SPIDR: variants seen among roughly 807,000 people sequenced by gnomAD.
SPIDR encodes the protein scaffold protein involved in DNA repair, also known as DNA repair-scaffolding protein.
A neutral mutation model predicts 104.6 loss-of-function variants in SPIDR; 93 were observed. That is an observed-to-expected ratio of 0.89 (90% CI 0.75 to 1.06). The LOEUF (loss-of-function observed/expected upper bound fraction) is 1.06. SPIDR is among the 50% of genes least tolerant of loss of function. The probability of loss-of-function intolerance (pLI) is 0.00; values close to 1 mark genes in which losing one functional copy is unlikely to be tolerated. For missense variants in SPIDR, 1,154 were observed against 1,111.2 expected (o/e 1.04, Z -0.55); for synonymous variants, 431 against 416.9 (o/e 1.03, Z -0.41).
chr8:47,511,547 T>C (rs2082325879), intron 8 of SPIDR: 2 of 782,554 alleles, frequency 2.6e-6, no homozygotes, highest in Admixed American at 3.4e-5. Context: ...TCTCAGTAGC[T>C]TCTGAGTCCT....
intron 8 of SPIDR, among the ~76,000 whole-genome samples, chr8:47,590,150 G>C (rs1310726145): frequency 6.6e-6 from 1 of 151,238 alleles, no homozygotes; most frequent in Non-Finnish European, 1.5e-5. Flanking sequence ...CTCCAGCCCA[G>C]GTGACAGAGC....
At chr8:47,571,342 A>G (rs1204577807) in intron 8 of SPIDR, among the ~76,000 whole-genome samples, 5 of 152,196 alleles carry the variant, frequency 3.3e-5, no homozygotes, top group African/African-American at 7.2e-5. Context: ...ATGCTGTGGC[A>G]GTCATTTCAC....
At chr8:47,361,013 AAAT>A (rs1316641377) in intron 5 of SPIDR, 14 of 965,676 alleles carry the variant, frequency 1.4e-5, no homozygotes, top group Non-Finnish European at 1.6e-5. Context: ...TATTAAAAAT[AAAT>A]AAGTGATGCT....
intron 16 of SPIDR, among the ~76,000 whole-genome samples, chr8:47,718,812 C>T (rs1313886087): frequency 2.6e-5 from 4 of 151,884 alleles, no homozygotes; most frequent in East Asian, 1.9e-4. Flanking sequence ...ATGTGCAGGA[C>T]GTGCAGGTTT....
intron 10 of SPIDR, among the ~76,000 whole-genome samples, chr8:47,614,514 G>A (rs975886112): frequency 2.0e-5 from 3 of 152,116 alleles, no homozygotes; most frequent in Non-Finnish European, 4.4e-5. Context: ...AAGCCACCAC[G>A]CCCAGCCGAT....
At chr8:47,328,826 T>C (rs1360018196) in intron 5 of SPIDR, among the ~76,000 whole-genome samples, 5 of 152,272 alleles carry the variant, frequency 3.3e-5, no homozygotes, top group Middle Eastern at 3.4e-3. Context: ...GGGTTTTTTT[T>C]CTCAAGTCTT....
chr8:47,515,575 G>A (rs1462715900), intron 8 of SPIDR, among the ~76,000 whole-genome samples: 1 of 152,160 alleles, frequency 6.6e-6, no homozygotes, highest in Non-Finnish European at 1.5e-5. Context: ...GACCAGAATA[G>A]TGACATATAT....
At chr8:47,623,637 A>C (rs1455710994) in intron 10 of SPIDR, among the ~76,000 whole-genome samples, 1 of 152,240 alleles carries the variant, frequency 6.6e-6, no homozygotes, top group African/African-American at 2.4e-5. Flanking sequence ...AAAAGAGACA[A>C]AGAAGGCCAT....
intron 8 of SPIDR, among the ~76,000 whole-genome samples, chr8:47,544,885 T>C (rs886827670): frequency 2.0e-5 from 3 of 152,188 alleles, no homozygotes; most frequent in African/African-American, 7.2e-5. Context: ...GTGTTAAATG[T>C]ATATTATTTT....
chr8:47,621,031 A>G lies in SPIDR; in HGVS notation c.1544+21835A>G, dbSNP rs539143957. 2.6e-5 allele frequency among the ~76,000 whole-genome samples: 4 copies of G among 152,010 alleles called. No homozygotes were observed. In the South Asian group the frequency reaches 8.3e-4, roughly 32 times the overall value. ...GAGTGCAGTGGCACAATCTCAGCTCACTGCAGTCTCCGCCTCCTGGGTTCA... is the reference window on the plus strand; with the variant it reads ...GAGTGCAGTGGCACAATCTCAGCTCGCTGCAGTCTCCGCCTCCTGGGTTCA... On this transcript the variant is annotated intron_variant, in intron 10 of 19. Coordinates refer to ENST00000297423, the MANE Select transcript of SPIDR (RefSeq NM_001080394.4).
intron 5 of SPIDR, among the ~76,000 whole-genome samples, chr8:47,314,818 T>C (rs2044967717): frequency 6.6e-6 from 1 of 152,044 alleles, no homozygotes; most frequent in Non-Finnish European, 1.5e-5. Context: ...TAATTGAAAA[T>C]AGATTAAGTG....
chr8:47,285,341 C>T (rs1282224008), intron 3 of SPIDR, among the ~76,000 whole-genome samples: 1 of 152,106 alleles, frequency 6.6e-6, no homozygotes, highest in Admixed American at 6.5e-5. Flanking sequence ...TAAAGTGTTG[C>T]TTTATGAAGT....
chr8:47,463,355 C>T (rs868965553), intron 8 of SPIDR, among the ~76,000 whole-genome samples: 31 of 149,738 alleles, frequency 2.1e-4, no homozygotes, highest in African/African-American at 4.4e-4. Flanking sequence ...AGCAAGACTC[C>T]GTCTCAAAAA....
chr8:47,489,729 C>A (rs1473098733), intron 8 of SPIDR, among the ~76,000 whole-genome samples: 1 of 152,132 alleles, frequency 6.6e-6, no homozygotes, highest in Non-Finnish European at 1.5e-5. Context: ...TTTGGCAAAC[C>A]TGACAAAAAC....
intron 8 of SPIDR, among the ~76,000 whole-genome samples, chr8:47,510,360 G>A (rs559070492): frequency 2.1e-4 from 32 of 152,192 alleles, no homozygotes; most frequent in Non-Finnish European, 4.3e-4. Flanking sequence ...AATTAGCATA[G>A]CAATATGTAG....
chr8:47,270,983 T>C (rs2035196545), intron 1 of SPIDR, among the ~76,000 whole-genome samples: 1 of 152,232 alleles, frequency 6.6e-6, no homozygotes, highest in African/African-American at 2.4e-5. Flanking sequence ...ACATGGTCTG[T>C]CGGAGAATGT....
chr8:47,408,291 C>T (rs1385320671), intron 7 of SPIDR, among the ~76,000 whole-genome samples: 1 of 152,102 alleles, frequency 6.6e-6, no homozygotes, highest in Non-Finnish European at 1.5e-5. Flanking sequence ...TATTTAGAGA[C>T]AGGGTCTCAC....
rs147712194 is a variant in SPIDR, at chr8:47,592,212, T to A, written c.1098-3599T>A. The A allele has an allele frequency of 1.8e-4, 237 of 1,337,530 alleles. No individual in the cohort carries two copies. The African/African-American group carries it at 2.8e-3, about 16-fold the overall frequency. The allele number at this position is 1,337,530 out of a possible 1,614,324, so 82.9% of individuals were successfully genotyped here. On this transcript the variant is annotated intron_variant, in intron 8 of 19. Coordinates refer to ENST00000297423, the MANE Select transcript of SPIDR (RefSeq NM_001080394.4). ...GTTTCTATGGCTTGGGCTTTGTTGG[T>A]CTTCCACTGCTCTGCTACATCATTT...
At chr8:47,323,845 C>T (rs1188129117) in intron 5 of SPIDR, among the ~76,000 whole-genome samples, 1 of 152,154 alleles carries the variant, frequency 6.6e-6, no homozygotes, top group African/African-American at 2.4e-5. Flanking sequence ...CCATGGACAC[C>T]TTTATTTACG....
Sources: allele counts gnomAD v4.1 joint callset (sites outside exome capture counted in the v4.1 genomes callset), GRCh38; gene constraint gnomAD v4.1.1; transcripts MANE v1.5; gene names NCBI Gene and HGNC (gene_info 2026-07-23, HGNC 2026-07-21).